The following COG7 variants were observed in gnomAD, a reference collection of about 807,000 sequenced individuals.
COG7 encodes the protein conserved oligomeric Golgi complex subunit 7.
Under a neutral mutation model 91.5 loss-of-function variants are expected in COG7, and 49 were observed. The observed-to-expected ratio is 0.54, with a 90% CI of 0.43 to 0.68. COG7 has a LOEUF of 0.68. Ranked by LOEUF, COG7 falls within the 30% of genes least tolerant of loss-of-function variation. The probability of loss-of-function intolerance (pLI) is 0.00; values close to 1 mark genes in which losing one functional copy is unlikely to be tolerated. For missense variants in COG7, 895 were observed against 961.3 expected (o/e 0.93, Z 0.91); for synonymous variants, 365 against 388.7 (o/e 0.94, Z 0.72).
At chr16:23,409,255 G>A (rs1295096781) in intron 11 of COG7, among the ~76,000 whole-genome samples, 1 of 152,130 alleles carries the variant, frequency 6.6e-6, no homozygotes, top group Non-Finnish European at 1.5e-5. Context: ...CCGCTCCAGT[G>A]ACAAGATTGA....
At chr16:23,437,138 A>G (rs1365814459) in intron 4 of COG7, among the ~76,000 whole-genome samples, 1 of 152,158 alleles carries the variant, frequency 6.6e-6, no homozygotes, top group African/African-American at 2.4e-5. Context: ...CGCCTTCTGA[A>G]TCCATGTCCT....
chr16:23,452,794 G>C, intron 1 of COG7, 32 bp downstream of exon 1: 3 of 1,594,848 alleles, frequency 1.9e-6, no homozygotes, highest in Non-Finnish European at 2.6e-6. Context: ...GAGCAGGGGA[G>C]GGTCCCGCGG....
intron 1 of COG7, among the ~76,000 whole-genome samples, chr16:23,448,670 A>G (rs920731545): frequency 2.2e-4 from 33 of 151,744 alleles, no homozygotes; most frequent in Middle Eastern, 3.2e-3. Context: ...TTATAGCCAC[A>G]CTCCTGTGCA....
chr16:23,404,027 T>C (rs1052338631), intron 12 of COG7, among the ~76,000 whole-genome samples, 193 bp from the exon 13 acceptor site: 3 of 152,244 alleles, frequency 2.0e-5, no homozygotes, highest in African/African-American at 7.2e-5. Context: ...CCAGAACTAC[T>C]GCATCAGAGT....
At chr16:23,409,289 T>C (rs922987104) in intron 11 of COG7, among the ~76,000 whole-genome samples, 3 of 152,122 alleles carry the variant, frequency 2.0e-5, no homozygotes, top group Non-Finnish European at 4.4e-5. Context: ...GCTCTTATGA[T>C]CACTTCTCTG....
intron 4 of COG7, among the ~76,000 whole-genome samples, chr16:23,441,245 C>T (rs1964096277): frequency 6.6e-6 from 1 of 152,304 alleles, no homozygotes; most frequent in African/African-American, 2.4e-5. Flanking sequence ...GCAAACTATG[C>T]GCCAGCAGGC....
At position 23,390,190 on chromosome 16, in the gene COG7, GT is replaced by G. The variant is rs1056918558; in HGVS notation, c.2147-1105del. On this transcript the variant is annotated intron_variant, in intron 16 of 16. Transcript: ENST00000307149. The stretch of plus-strand genomic sequence containing the variant: ...GCACCACCCGATATGCCCCTGGCTA[GT>G]TTTTTTTTTTTTTTTTTTTTTCTTT... 6.7e-3 allele frequency: 837 copies of G among 125,686 alleles called. 1 individual carries two copies. Among genetic ancestry groups the G allele is most frequent in the Middle Eastern group, 0.013 (3 of 224 alleles). The allele number at this position is 125,686 out of a possible 1,614,324, so 7.8% of individuals were successfully genotyped here. A position where few individuals can be genotyped will look rare whatever the true frequency, so the allele number is the denominator to read the frequency against.
chr16:23,423,637 C>T (rs1008065036), intron 7 of COG7, among the ~76,000 whole-genome samples: 3 of 152,116 alleles, frequency 2.0e-5, no homozygotes, highest in East Asian at 1.9e-4. Context: ...ATCAGGAATC[C>T]GAACAATAAA....
At chr16:23,444,918 T>G in intron 3 of COG7, 130 bp downstream of exon 3, 1 of 790,478 alleles carries the variant, frequency 1.3e-6, no homozygotes, top group Non-Finnish European at 2.3e-6. Flanking sequence ...GCTTCAGATC[T>G]TCCCCACCCT....
At chr16:23,410,172 C>T in intron 11 of COG7, 123 bp downstream of exon 11, 2 of 759,530 alleles carry the variant, frequency 2.6e-6, no homozygotes, top group South Asian at 2.9e-5. Context: ...TAGGTACAGA[C>T]AGTCCTCCAG....
At chr16:23,420,335 A>G (rs1963734026) in intron 7 of COG7, among the ~76,000 whole-genome samples, 1 of 152,246 alleles carries the variant, frequency 6.6e-6, no homozygotes, top group African/African-American at 2.4e-5. Context: ...GCTCAGAATC[A>G]GAAAGCTTTG....
rs767794952 is a variant in COG7 at position 23,453,022 on chromosome 16, AG to A, written c.-29del. On this transcript the variant is annotated 5_prime_UTR_variant, in exon 1 of 17. Transcript: ENST00000307149. ...CGGAACTGCCTCAGGCCTGGCGTCC[AG>A]AACTTAAGAGTTGGCTCCGGGCGGC... 5.0e-6 allele frequency: 8 copies of A among 1,613,414 alleles called. No individual in the cohort carries two copies. The South Asian group carries it at 7.7e-5, about 16-fold the overall frequency.
At position 23,392,246 on chromosome 16, in the gene COG7, A is replaced by G. The variant is rs940601667; in HGVS notation, c.2146+134T>C. The G allele has an allele frequency of 4.6e-6, 7 of 1,527,472 alleles. No individual in the cohort carries two copies. The Admixed American group carries it at 5.9e-5, about 13-fold the overall frequency. The allele number at this position is 1,527,472 out of a possible 1,614,324, so 94.6% of individuals were successfully genotyped here. A position where few individuals can be genotyped will look rare whatever the true frequency, so the allele number is the denominator to read the frequency against. Reference sequence around the variant, plus strand: ...AGGGCCTGGAGAACCTGAATTTTCAACCAGCTTCAGAGCCAAATCCACAGC... The same window carrying G: ...AGGGCCTGGAGAACCTGAATTTTCAGCCAGCTTCAGAGCCAAATCCACAGC... On this transcript the variant is annotated intron_variant, in intron 16 of 16. Transcript: ENST00000307149.
chr16:23,432,361 G>A lies in COG7; in HGVS notation c.810+1184C>T, dbSNP rs143622783. On this transcript the variant is annotated intron_variant, in intron 6 of 16. Transcript: ENST00000307149. ...TAGTAAAAAATAAAATATGGGGAACGTGACACTAAACCACTCGTAGATGAC... is the reference window on the plus strand; with the variant it reads ...TAGTAAAAAATAAAATATGGGGAACATGACACTAAACCACTCGTAGATGAC... 8.6e-3 allele frequency among the ~76,000 whole-genome samples: 1,304 copies of A among 152,158 alleles called. 42 individuals are homozygous for A. The highest frequency in any genetic ancestry group is 0.058 in the Admixed American group (880 of 15,250).
rs926907914 is a variant in COG7, at chr16:23,453,160, G to A, written c.-166C>T. The stretch of plus-strand genomic sequence containing the variant: ...GCCCCTTTGCGCTTCCCCGCTCAGC[G>A]CACTCAGTTTGCGGCTGGGAATGAC... On this transcript the variant is annotated 5_prime_UTR_variant, in exon 1 of 17. Coordinates refer to ENST00000307149, the MANE Select transcript of COG7 (RefSeq NM_153603.4). 2 of 1,414,658 alleles carry A rather than the reference G, an allele frequency of 1.4e-6. No individual in the cohort carries two copies. The highest frequency in any genetic ancestry group is 1.9e-6 in the Non-Finnish European group (2 of 1,077,860). 87.6% of individuals were successfully genotyped at this position (1,414,658 alleles called of 1,614,324 possible).
At chr16:23,446,563 T>C (rs1964186323) in intron 1 of COG7, 1 of 152,232 alleles carries the variant, frequency 6.6e-6, no homozygotes, top group South Asian at 2.1e-4. Flanking sequence ...GTGATTCTCC[T>C]GCCTCAGCCT....
At chr16:23,449,036 C>T (rs1412787685) in intron 1 of COG7, among the ~76,000 whole-genome samples, 1 of 152,184 alleles carries the variant, frequency 6.6e-6, no homozygotes, top group East Asian at 1.9e-4. Flanking sequence ...TGTCTGAATG[C>T]CACTGAATGT....
At chr16:23,412,335 G>C (rs1211633028) in intron 10 of COG7, 1 of 152,250 alleles carries the variant, frequency 6.6e-6, no homozygotes, top group Non-Finnish European at 1.5e-5. Context: ...AGCCCCAGTG[G>C]CTATGACAAT....
intron 11 of COG7, 96 bp from the exon 12 acceptor site, chr16:23,406,358 T>A: frequency 9.4e-7 from 1 of 1,061,744 alleles, no homozygotes; most frequent in Non-Finnish European, 1.4e-6. Context: ...TCAAAGATAA[T>A]CCTCATGAGA....
Sources: gnomAD v4.1 joint callset for allele counts (sites outside exome capture counted in the v4.1 genomes callset) on GRCh38, gnomAD v4.1.1 for gene constraint, MANE v1.5 for transcripts, NCBI Gene and HGNC (gene_info 2026-07-23, HGNC 2026-07-21) for gene names.